The following SERINC5 variants were observed in gnomAD, a reference collection of about 807,000 sequenced individuals.
The protein encoded by SERINC5 is serine incorporator 5, also known as chromosome 5 open reading frame 12.
SERINC5 carries 41 observed loss-of-function variants against 63.1 expected under a neutral mutation model. The ratio of observed to expected loss-of-function variants is 0.65; its 90% confidence interval spans 0.51 to 0.84. The LOEUF (loss-of-function observed/expected upper bound fraction) is 0.84, where lower values mean the gene tolerates loss of function less well. SERINC5 is among the 40% of genes least tolerant of loss of function. The pLI is 0.00. For missense variants in SERINC5, 523 were observed against 573.0 expected, an observed-to-expected ratio of 0.91 and a Z score of 0.89; for synonymous variants, 222 against 215.2, an observed-to-expected ratio of 1.03 and a Z score of -0.28.
At chr5:80,226,132 C>T (rs2112551556) in intron 1 of SERINC5, among the ~76,000 whole-genome samples, 1 of 152,176 alleles carries the variant, frequency 6.6e-6, no homozygotes, top group South Asian at 2.1e-4. Flanking sequence ...GATCTCAGCT[C>T]ACTGCAACCT....
intron 2 of SERINC5, among the ~76,000 whole-genome samples, chr5:80,181,885 G>A (rs1748453135): frequency 6.6e-6 from 1 of 152,170 alleles, no homozygotes; most frequent in Non-Finnish European, 1.5e-5. Flanking sequence ...CAACCAACCA[G>A]ATTAACCAGC....
intron 7 of SERINC5, among the ~76,000 whole-genome samples, chr5:80,164,910 G>GTTT (rs70982026): frequency 0.13 from 10,990 of 85,306 alleles, 1,275 homozygotes; most frequent in South Asian, 0.22. Context: ...CTTTTTTTCT[G>GTTT]TTTTTTTTTT....
intron 11 of SERINC5, among the ~76,000 whole-genome samples, chr5:80,116,628 A>T (rs1248311893): frequency 6.6e-6 from 1 of 151,954 alleles, no homozygotes; most frequent in Non-Finnish European, 1.5e-5. Context: ...GATGACATAA[A>T]TGCCTCCTGT....
At chr5:80,206,168 C>T (rs1274999656) in intron 1 of SERINC5, among the ~76,000 whole-genome samples, 1 of 152,092 alleles carries the variant, frequency 6.6e-6, no homozygotes, top group Non-Finnish European at 1.5e-5. Flanking sequence ...TGTATTAACA[C>T]TATACTCTAT....
chr5:80,245,965 TAAAAAA>T lies in SERINC5; in HGVS notation c.27+9925_27+9930del, dbSNP rs57108110. On this transcript the variant is annotated intron_variant, in intron 1 of 11. Coordinates refer to ENST00000507668, the MANE Select transcript of SERINC5 (RefSeq NM_001174072.3). ...TTTACTTTAGGGATTGTCAGCTCTT[TAAAAAA>T]AAAAAAAAAAAAAAAAGAGTAACAG... Among the ~76,000 whole-genome samples the T allele has an allele frequency of 6.1e-3, 709 of 115,962 alleles. 6 individuals carry two copies. The highest frequency in any genetic ancestry group is 0.022 in the Middle Eastern group (5 of 232). 76.1% of individuals were successfully genotyped at this position (115,962 alleles called of 152,430 possible).
intron 11 of SERINC5, among the ~76,000 whole-genome samples, chr5:80,125,868 G>C (rs1744728448): frequency 6.6e-6 from 1 of 152,148 alleles, no homozygotes; most frequent in African/African-American, 2.4e-5. Flanking sequence ...AAAGTTATTA[G>C]TTGAAAAAGA....
intron 5 of SERINC5, among the ~76,000 whole-genome samples, chr5:80,169,748 C>T (rs570627856): frequency 3.9e-5 from 6 of 152,288 alleles, no homozygotes; most frequent in African/African-American, 1.4e-4. Flanking sequence ...AATATGGAAA[C>T]TTCTTGACTC....
At chr5:80,191,775 A>G (rs1749206994) in intron 2 of SERINC5, among the ~76,000 whole-genome samples, 1 of 151,904 alleles carries the variant, frequency 6.6e-6, no homozygotes, top group African/African-American at 2.4e-5. Flanking sequence ...AACATGTCAT[A>G]CTAATTTATT....
chr5:80,199,292 C>A (rs2112480772), intron 2 of SERINC5, among the ~76,000 whole-genome samples: 1 of 152,280 alleles, frequency 6.6e-6, no homozygotes, highest in East Asian at 1.9e-4. Flanking sequence ...ACTTAAATGG[C>A]TCGATGTTTC....
chr5:80,143,229 G>A lies in SERINC5; in HGVS notation c.*434C>T. On this transcript the variant is annotated 3_prime_UTR_variant, in exon 12 of 12. Coordinates refer to ENST00000507668, the MANE Select transcript of SERINC5 (RefSeq NM_001174072.3). ...CCTGGGGACAAGGCTCTAAGAGGCG[G>A]AAGTGAGTGAGAGGGGTCTGGATTC... The A allele has an allele frequency of 1.0e-6, 1 of 990,870 alleles. No homozygotes were observed. The highest frequency in any genetic ancestry group is 1.2e-6 in the Non-Finnish European group (1 of 833,526). 61.4% of individuals were successfully genotyped at this position (990,870 alleles called of 1,614,324 possible).
chr5:80,137,139 C>CAAAAAAAAAAAAAAAAAAAA (rs869035894), downstream of SERINC5, among the ~76,000 whole-genome samples: 6 of 67,728 alleles, frequency 8.9e-5, no homozygotes, highest in East Asian at 1.0e-3. Flanking sequence ...GACCCTGTCT[C>CAAAAAAAAAAAAAAAAAAAA]AAAAAAAAAA....
chr5:80,238,178 C>T (rs535707881), intron 1 of SERINC5, among the ~76,000 whole-genome samples: 1 of 151,980 alleles, frequency 6.6e-6, no homozygotes, highest in South Asian at 2.1e-4. Flanking sequence ...TCCCCGCCCC[C>T]CATCATAAGG....
At position 80,118,136 on chromosome 5, in the gene SERINC5, G is replaced by A. The variant is rs150247266; in HGVS notation, c.1239-4511C>T. ...GAGAATTGCTTGAAACTGGGAGGCGGAGGTTGCAATGAACTGAGATCACAC... is the reference window on the plus strand; with the variant it reads ...GAGAATTGCTTGAAACTGGGAGGCGAAGGTTGCAATGAACTGAGATCACAC... On this transcript the variant is annotated intron_variant, in intron 11 of 12. Coordinates refer to the SERINC5 transcript ENST00000509193. 2.0e-3 allele frequency among the ~76,000 whole-genome samples: 301 copies of A among 152,116 alleles called. 3 individuals are homozygous for A. The highest frequency in any genetic ancestry group is 6.0e-3 in the African/African-American group (247 of 41,472).
At chr5:80,179,247 C>CAA in intron 2 of SERINC5, among the ~76,000 whole-genome samples, 1 of 151,930 alleles carries the variant, frequency 6.6e-6, no homozygotes, top group Non-Finnish European at 1.5e-5. Context: ...TGCAGCGAGC[C>CAA]GAGATCGTGA....
At chr5:80,148,246 A>G (rs1394332128) in intron 9 of SERINC5, among the ~76,000 whole-genome samples, 1 of 138,218 alleles carries the variant, frequency 7.2e-6, no homozygotes, top group East Asian at 2.1e-4. Flanking sequence ...GCTGGAGTGC[A>G]ATGGCACGAT....
At chr5:80,178,633 G>A (rs558887755) in intron 2 of SERINC5, among the ~76,000 whole-genome samples, 10 of 137,126 alleles carry the variant, frequency 7.3e-5, no homozygotes, top group South Asian at 4.6e-4. Flanking sequence ...ACCTGTCTTC[G>A]CATCCCAAAG....
At chr5:80,242,611 G>A (rs948029515) in intron 1 of SERINC5, among the ~76,000 whole-genome samples, 1 of 152,170 alleles carries the variant, frequency 6.6e-6, no homozygotes, top group Non-Finnish European at 1.5e-5. Context: ...TTAGCCAAGT[G>A]TAGTGGCATG....
intron 12 of SERINC5, among the ~76,000 whole-genome samples, chr5:80,113,406 C>G (rs142934517): frequency 6.6e-6 from 1 of 152,026 alleles, no homozygotes; most frequent in Non-Finnish European, 1.5e-5. Flanking sequence ...AGTGGCATAG[C>G]CATTCATGTT....
At chr5:80,190,062 T>C (rs1159016396) in intron 2 of SERINC5, among the ~76,000 whole-genome samples, 1 of 150,956 alleles carries the variant, frequency 6.6e-6, no homozygotes, top group East Asian at 2.0e-4. Context: ...GCAGTGGTAA[T>C]ACATTATTTG....
Sources: allele counts gnomAD v4.1 joint callset (sites outside exome capture counted in the v4.1 genomes callset), GRCh38; gene constraint gnomAD v4.1.1; transcripts MANE v1.5; gene names NCBI Gene and HGNC (gene_info 2026-07-23, HGNC 2026-07-21).